Variants in GCN1 observed in about 807,000 individuals in gnomAD.
The protein encoded by GCN1 is GCN1 activator of EIF2AK4.
GCN1 carries 90 observed loss-of-function variants against 288.4 expected under a neutral mutation model. The ratio of observed to expected loss-of-function variants is 0.31; its 90% CI spans 0.26 to 0.37. The LOEUF (loss-of-function observed/expected upper bound fraction) is 0.37, where lower values mean the gene tolerates loss of function less well. GCN1 is among the 10% of genes least tolerant of loss of function. GCN1 has a pLI of 1.00. For synonymous variants in GCN1, 1,386 were observed against 1,420.2 expected (o/e 0.98, Z 0.54); for missense variants, 2,586 against 3,419.9 (o/e 0.76, Z 6.08).
Position 120,142,839 on chromosome 12 carries a change from A to G in GCN1, c.5598T>C (p.Thr1866=), listed in dbSNP as rs771515185. Residue 1866 remains threonine, a synonymous_variant, in exon 43 of 58, where the codon ACT becomes ACC. Transcript: ENST00000300648. The surrounding 1 kb of genome is among the most constrained non-coding windows in gnomAD (Gnocchi z 4.9). ...ETASEDDNFG[T]AQSNKAIITA... ...CTGCAGGCACCTTGTTGGACTGGGCAGTTCCAAAGTTATCATCCTCAGAGG... is the reference window on the plus strand; with the variant it reads ...CTGCAGGCACCTTGTTGGACTGGGCGGTTCCAAAGTTATCATCCTCAGAGG... 6 of 1,611,192 alleles carry G rather than the reference A, an allele frequency of 3.7e-6. No individual in the cohort carries two copies. The South Asian group carries it at 6.6e-5, about 18-fold the overall frequency.
intron 44 of GCN1, among the ~76,000 whole-genome samples, chr12:120,141,919 T>C (rs938452758): frequency 3.3e-5 from 5 of 152,228 alleles, no homozygotes; most frequent in Non-Finnish European, 5.9e-5. Flanking sequence ...ATTTGATTAA[T>C]ATCCATCTCC....
At chr12:120,129,959 G>A (rs532436751) in intron 56 of GCN1, among the ~76,000 whole-genome samples, 6 of 152,312 alleles carry the variant, frequency 3.9e-5, no homozygotes, top group African/African-American at 1.4e-4. Context: ...GCGGGTGCAG[G>A]CTGATGTCAT....
At chr12:120,128,282 A>G (rs567324904) in intron 57 of GCN1, among the ~76,000 whole-genome samples, 1 of 150,460 alleles carries the variant, frequency 6.6e-6, no homozygotes, top group African/African-American at 2.4e-5. Context: ...GAGCCATCGC[A>G]CCTGGCCCCA....
At chr12:120,146,760 T>G (rs994509476) in intron 38 of GCN1, among the ~76,000 whole-genome samples, 1 of 152,112 alleles carries the variant, frequency 6.6e-6, no homozygotes, top group Non-Finnish European at 1.5e-5. Context: ...ACAGGAGTAT[T>G]CTTGTCAAGA....
chr12:120,180,344 C>T (rs1314459740), intron 5 of GCN1, among the ~76,000 whole-genome samples: 7 of 150,764 alleles, frequency 4.6e-5, no homozygotes, highest in South Asian at 2.1e-4. Context: ...AGGCCAGGTG[C>T]AATGGTTCAC....
rs1184556303 is a variant in GCN1, at chr12:120,134,268, A to G, written c.7317+23T>C. The G allele has an allele frequency of 2.0e-6, 3 of 1,530,414 alleles. No individual in the cohort carries two copies. Among genetic ancestry groups the G allele is most frequent in the African/African-American group, 2.7e-5 (2 of 73,332 alleles). The allele number at this position is 1,530,414 out of a possible 1,614,324, so 94.8% of individuals were successfully genotyped here. A position where few individuals can be genotyped will look rare whatever the true frequency, so the allele number is the denominator to read the frequency against. ...GGGAAACCAGTGGTCCAGTGCTGCC[A>G]CTAGTCCTGCCTGCAGCCGTACCTC... On this transcript the variant is annotated intron_variant, in intron 53 of 57. Coordinates refer to ENST00000300648, the MANE Select transcript of GCN1 (RefSeq NM_006836.2). This position sits in a 1 kb window ranked among gnomAD's most constrained non-coding sequence, Gnocchi z 5.0.
Position 120,161,865 on chromosome 12 carries a change from T to C in GCN1, c.2342+15A>G, listed in dbSNP as rs757965718. The stretch of plus-strand genomic sequence containing the variant: ...TGGGGAGCAAAGGAAACTGAGCCCA[T>C]AAGTGAGGTCTCACCTCTGAATGAT... On this transcript the variant is annotated intron_variant, in intron 21 of 57. Transcript: ENST00000300648. 6.2e-7 allele frequency: 1 copy of C among 1,612,184 alleles called. No homozygotes were observed. Among genetic ancestry groups the C allele is most frequent in the South Asian group, 1.1e-5 (1 of 90,992 alleles).
At position 120,158,562 on chromosome 12, in the gene GCN1, C is replaced by A; in HGVS notation, c.2803G>T (p.Asp935Tyr). Residue 935 changes from aspartate to tyrosine, a missense_variant, in exon 25 of 58, where the codon GAT (aspartate) becomes TAT (tyrosine). Transcript: ENST00000300648. The surrounding 1 kb of genome is among the most constrained non-coding windows in gnomAD (Gnocchi z 4.3). ...AGCTCTTCCTGGCACCAGGACTTAT[C>A]CAGGACACACTCTGGCTTCAGCAGG... Reference protein sequence around the residue: ...LRLLKPECVLDKSWCQEELSV... With the variant: ...LRLLKPECVLYKSWCQEELSV... 6.2e-7 allele frequency: 1 copy of A among 1,606,160 alleles called. No individual in the cohort carries two copies. Among genetic ancestry groups the A allele is most frequent in the South Asian group, 1.1e-5 (1 of 89,294 alleles).
intron 7 of GCN1, 76 bp from the exon 8 acceptor site, chr12:120,177,828 G>T: frequency 9.5e-7 from 1 of 1,047,924 alleles, no homozygotes; most frequent in Non-Finnish European, 1.5e-6. Context: ...TCCCTCTTGT[G>T]AGAGTGCCTC....
At chr12:120,166,401 C>CAAAA (rs1190939956) in intron 16 of GCN1, among the ~76,000 whole-genome samples, 1 of 44,920 alleles carries the variant, frequency 2.2e-5, no homozygotes, top group Admixed American at 2.6e-4. Flanking sequence ...GAGACTGTCT[C>CAAAA]AAAAAAAAAA....
At chr12:120,146,504 T>C (rs926059059) in intron 38 of GCN1, among the ~76,000 whole-genome samples, 4 of 152,096 alleles carry the variant, frequency 2.6e-5, no homozygotes, top group African/African-American at 7.2e-5. Flanking sequence ...GTCCTGGGAT[T>C]ACAAGCATTA....
rs1877703424 is a variant in GCN1, at chr12:120,155,212, A to C, written c.3630+29T>G. 1 of 1,606,898 alleles carries C rather than the reference A, an allele frequency of 6.2e-7. No homozygotes were observed. On this transcript the variant is annotated intron_variant, in intron 30 of 57. Transcript: ENST00000300648. The surrounding 1 kb of genome is among the most constrained non-coding windows in gnomAD (Gnocchi z 4.9). The stretch of plus-strand genomic sequence containing the variant: ...GACCCACCCAACCGCACACACCCAG[A>C]CTGCATCAGGGCTGCACAGGTCACT...
intron 34 of GCN1, among the ~76,000 whole-genome samples, chr12:120,150,619 T>C (rs1566304293): frequency 1.4e-5 from 2 of 144,796 alleles, no homozygotes; most frequent in Non-Finnish European, 3.0e-5. Flanking sequence ...AAGCCAAACC[T>C]CTCTCAGCTA....
At chr12:120,167,172 TCTA>T (rs1878157942) in intron 16 of GCN1, among the ~76,000 whole-genome samples, 1 of 150,242 alleles carries the variant, frequency 6.7e-6, no homozygotes, top group Non-Finnish European at 1.5e-5. Flanking sequence ...AAACCCCATC[TCTA>T]CTAAGAAAAA....
intron 10 of GCN1, 35 bp from the exon 11 acceptor site, chr12:120,175,909 AC>A (rs1878468462): frequency 6.3e-7 from 1 of 1,585,348 alleles, no homozygotes; most frequent in African/African-American, 1.4e-5. Flanking sequence ...GAAGCAGCCA[AC>A]AACTGAGCAT....
intron 1 of GCN1, among the ~76,000 whole-genome samples, 189 bp downstream of exon 1, chr12:120,194,491 C>A (rs1879107200): frequency 6.6e-6 from 1 of 152,026 alleles, no homozygotes. Flanking sequence ...AGCCCGCGGT[C>A]TGCCTGCGCC....
At chr12:120,157,143 G>A (rs1009623541) in intron 26 of GCN1, 151 bp from the exon 27 acceptor site, 2 of 589,372 alleles carry the variant, frequency 3.4e-6, no homozygotes, top group Non-Finnish European at 6.1e-6. Flanking sequence ...TTACAACTAG[G>A]TCCACAGGTG....
chr12:120,149,803 A>T, intron 35 of GCN1, 83 bp from the exon 36 acceptor site: 1 of 1,530,504 alleles, frequency 6.5e-7, no homozygotes, highest in Non-Finnish European at 9.0e-7. Flanking sequence ...CGTTCCTCCT[A>T]TAACCAACGC....
intron 16 of GCN1, among the ~76,000 whole-genome samples, chr12:120,166,685 C>T (rs1366234624): frequency 7.2e-6 from 1 of 139,318 alleles, no homozygotes. Context: ...GCCTGGGCGA[C>T]AGAGCGAGAC....
Sources: gnomAD v4.1 joint callset for allele counts (sites outside exome capture counted in the v4.1 genomes callset) on GRCh38, gnomAD v4.1.1 for gene constraint, Gnocchi (gnomAD v3.1) non-coding constraint, MANE v1.5 for transcripts, NCBI Gene and HGNC (gene_info 2026-07-23, HGNC 2026-07-21) for gene names.